SGMS1: variants seen among roughly 807,000 people sequenced by gnomAD.
SGMS1 encodes the protein phosphatidylcholine:ceramide cholinephosphotransferase 1.
In SGMS1, 13 loss-of-function variants were observed where a neutral mutation model predicts 46.2. The observed-to-expected ratio is 0.28, with a 90% confidence interval of 0.18 to 0.45. SGMS1 has a LOEUF of 0.45. Among genes scored for constraint, SGMS1 ranks in the 20% least tolerant of loss-of-function variants. SGMS1 has a pLI of 1.00. For missense variants in SGMS1, 324 were observed against 519.9 expected (o/e 0.62, Z 3.66); for synonymous variants, 203 against 187.8 (o/e 1.08, Z -0.66).
rs74907981 is a variant in SGMS1, at chr10:50,552,792, G to C, written c.-588-32871C>G. ...TTAGGTTAATGACCTTGAGATGGGG[G>C]GATTATCCTGGTGGGCTCTAAATGC... is the stretch of plus-strand genomic sequence containing the variant. On this transcript the variant is annotated intron_variant, in intron 2 of 10. Coordinates refer to ENST00000361781, the MANE Select transcript of SGMS1 (RefSeq NM_147156.4). Among the ~76,000 whole-genome samples the C allele has an allele frequency of 8.2e-4, 125 of 152,198 alleles. 4 individuals are homozygous for C. The East Asian group carries it at 0.022, about 27-fold the overall frequency.
intron 3 of SGMS1, among the ~76,000 whole-genome samples, chr10:50,507,838 G>C (rs1174083946): frequency 1.3e-5 from 2 of 152,174 alleles, no homozygotes; most frequent in African/African-American, 4.8e-5. Flanking sequence ...ATCCTCAGGG[G>C]CCTCAGGCCC....
intron 5 of SGMS1, among the ~76,000 whole-genome samples, chr10:50,457,601 GTC>G (rs1423938059): frequency 1.3e-5 from 2 of 151,918 alleles, no homozygotes; most frequent in Non-Finnish European, 2.9e-5. Flanking sequence ...ATTCCCCACT[GTC>G]TATCGTTCCC....
intron 3 of SGMS1, among the ~76,000 whole-genome samples, chr10:50,492,615 C>A (rs554767400): frequency 6.6e-6 from 1 of 152,052 alleles, no homozygotes; most frequent in Non-Finnish European, 1.5e-5. Flanking sequence ...AAGACCTCTA[C>A]AAAGAGAACT....
chr10:50,551,329 ACATTCTAT>A, intron 2 of SGMS1, among the ~76,000 whole-genome samples: 3 of 151,528 alleles, frequency 2.0e-5, no homozygotes, highest in Non-Finnish European at 4.4e-5. Flanking sequence ...CAATTAAGGG[ACATTCTAT>A]GAAACACCTG....
rs376257027 is a variant in SGMS1 at position 50,614,213 on chromosome 10, T to C, written c.-684+9494A>G. 9.9e-5 allele frequency among the ~76,000 whole-genome samples: 15 copies of C among 152,182 alleles called. 1 individual carries two copies. Among genetic ancestry groups the C allele is most frequent in the African/African-American group, 3.6e-4 (15 of 41,514 alleles). On this transcript the variant is annotated intron_variant, in intron 1 of 10. Coordinates refer to ENST00000361781, the MANE Select transcript of SGMS1 (RefSeq NM_147156.4). ...TAATGATGGCACTCCAAGCTTCTAATGAGTGCTGACTTATATTTCCAAGTT... is the reference window on the plus strand; with the variant it reads ...TAATGATGGCACTCCAAGCTTCTAACGAGTGCTGACTTATATTTCCAAGTT...
intron 6 of SGMS1, among the ~76,000 whole-genome samples, chr10:50,346,669 C>T (rs1009561827): frequency 3.3e-5 from 5 of 152,052 alleles, no homozygotes; most frequent in African/African-American, 1.2e-4. Context: ...TGCCCCTTTT[C>T]CTATAGGACT....
chr10:50,361,855 T>C (rs1290951107), intron 6 of SGMS1, among the ~76,000 whole-genome samples: 1 of 152,234 alleles, frequency 6.6e-6, no homozygotes, highest in African/African-American at 2.4e-5. Flanking sequence ...AGGCCTTCCA[T>C]GACACGGCCT....
chr10:50,613,056 T>G (rs1461677999), intron 1 of SGMS1, among the ~76,000 whole-genome samples: 3 of 152,190 alleles, frequency 2.0e-5, no homozygotes, highest in African/African-American at 7.2e-5. Flanking sequence ...GCTGACCACT[T>G]ATAGCACACA....
At chr10:50,460,967 T>C (rs1398848799) in intron 4 of SGMS1, among the ~76,000 whole-genome samples, 153 bp from the exon 5 acceptor site, 1 of 152,008 alleles carries the variant, frequency 6.6e-6, no homozygotes, top group African/African-American at 2.4e-5. Flanking sequence ...ACAATGAACC[T>C]TCCTTACCTC....
intron 3 of SGMS1, among the ~76,000 whole-genome samples, chr10:50,511,529 A>T (rs910818): frequency 0.77 from 116,658 of 152,042 alleles, 45,093 homozygotes; most frequent in Non-Finnish European, 0.82. Context: ...AGACTTCTTA[A>T]CTTCTCCTTA....
At chr10:50,578,426 G>A (rs892260510) in intron 2 of SGMS1, among the ~76,000 whole-genome samples, 5 of 152,076 alleles carry the variant, frequency 3.3e-5, no homozygotes, top group Admixed American at 6.6e-5. Context: ...ATTCTTTCAG[G>A]AACATCAATA....
chr10:50,600,548 C>T (rs1273743061), intron 1 of SGMS1, among the ~76,000 whole-genome samples: 1 of 152,208 alleles, frequency 6.6e-6, no homozygotes, highest in Non-Finnish European at 1.5e-5. Flanking sequence ...CACATCCCAG[C>T]TGCCTCTTTC....
intron 2 of SGMS1, among the ~76,000 whole-genome samples, chr10:50,572,997 T>C (rs1169424584): frequency 6.6e-6 from 1 of 152,154 alleles, no homozygotes; most frequent in African/African-American, 2.4e-5. Context: ...CATGATCATC[T>C]CAATAGCTGC....
chr10:50,385,031 C>T (rs1425642294), intron 6 of SGMS1, among the ~76,000 whole-genome samples: 1 of 152,172 alleles, frequency 6.6e-6, no homozygotes, highest in Non-Finnish European at 1.5e-5. Flanking sequence ...AATCTTTCTT[C>T]ACCTTTCATG....
intron 4 of SGMS1, among the ~76,000 whole-genome samples, chr10:50,464,559 A>C (rs1181431434): frequency 6.6e-6 from 1 of 152,178 alleles, no homozygotes; most frequent in Admixed American, 6.5e-5. Flanking sequence ...CAGCCTCCTG[A>C]GTAGCTGGGA....
chr10:50,620,526 C>T (rs55763387), intron 1 of SGMS1, among the ~76,000 whole-genome samples: 20,608 of 152,240 alleles, frequency 0.14, 1,767 homozygotes, highest in Non-Finnish European at 0.2. Flanking sequence ...AAATAAAAAT[C>T]ACCATTGATC....
chr10:50,397,931 A>G (rs2133528373), intron 6 of SGMS1, among the ~76,000 whole-genome samples: 1 of 152,090 alleles, frequency 6.6e-6, no homozygotes, highest in East Asian at 1.9e-4. Context: ...GCACCTAAGA[A>G]CTCTGCCTCT....
chr10:50,544,444 G>A (rs1391714401), intron 2 of SGMS1, among the ~76,000 whole-genome samples: 1 of 152,232 alleles, frequency 6.6e-6, no homozygotes, highest in Non-Finnish European at 1.5e-5. Context: ...AGGCAAACAA[G>A]TTTAAGAGCC....
intron 7 of SGMS1, among the ~76,000 whole-genome samples, chr10:50,328,683 C>T (rs774008003): frequency 5.3e-5 from 8 of 152,168 alleles, no homozygotes; most frequent in South Asian, 2.1e-4. Flanking sequence ...GAATTATTTA[C>T]GATAGAAGCC....
Sources: allele counts gnomAD v4.1 joint callset (sites outside exome capture counted in the v4.1 genomes callset), GRCh38; gene constraint gnomAD v4.1.1; transcripts MANE v1.5; gene names NCBI Gene and HGNC (gene_info 2026-07-23, HGNC 2026-07-21).